UBTD2: variants seen among roughly 807,000 people sequenced by gnomAD.
The protein encoded by UBTD2 is ubiquitin domain-containing protein 2.
Under a neutral mutation model 19.8 loss-of-function variants are expected in UBTD2, and 9 were observed. The observed-to-expected ratio is 0.46, with a 90% CI of 0.27 to 0.79. The LOEUF (loss-of-function observed/expected upper bound fraction) is 0.79, where lower values mean the gene tolerates loss of function less well. Among genes scored for constraint, UBTD2 ranks in the 30% least tolerant of loss-of-function variants. The pLI is 0.14. For synonymous variants in UBTD2, 98 were observed against 103.9 expected (o/e 0.94, Z 0.35); for missense variants, 250 against 300.4 (o/e 0.83, Z 1.24).
chr5:172,274,135 C>CTTTT (rs555392614), intron 1 of UBTD2, among the ~76,000 whole-genome samples: 11 of 108,646 alleles, frequency 1.0e-4, no homozygotes, highest in Admixed American at 2.0e-4. Context: ...TTTTGCTTTA[C>CTTTT]TTTTTTTTTT....
At chr5:172,260,540 A>C (rs558418432) in intron 1 of UBTD2, among the ~76,000 whole-genome samples, 1 of 152,346 alleles carries the variant, frequency 6.6e-6, no homozygotes, top group South Asian at 2.1e-4. Context: ...CAGCAAATTT[A>C]GTATTAAAAT....
intron 1 of UBTD2, among the ~76,000 whole-genome samples, chr5:172,259,432 C>T (rs140747651): frequency 3.8e-4 from 58 of 152,056 alleles, no homozygotes; most frequent in African/African-American, 1.2e-3. Flanking sequence ...TGAGCCATCG[C>T]GCCCAGCCCT....
chr5:172,226,506 T>G (rs998720106), intron 2 of UBTD2, among the ~76,000 whole-genome samples: 7 of 152,198 alleles, frequency 4.6e-5, no homozygotes, highest in Non-Finnish European at 4.4e-5. Context: ...CACAATAATG[T>G]TGGCTGTCTT....
Position 172,209,669 on chromosome 5 carries a change from T to A in UBTD2, c.*2161A>T, listed in dbSNP as rs1581204379. 6.6e-6 allele frequency: 1 copy of A among 151,722 alleles called. No individual in the cohort carries two copies. Among genetic ancestry groups the A allele is most frequent in the Admixed American group, 6.6e-5 (1 of 15,188 alleles). The allele number at this position is 151,722 out of a possible 1,614,324, so 9.4% of individuals were successfully genotyped here. A position where few individuals can be genotyped will look rare whatever the true frequency, so the allele number is the denominator to read the frequency against. On this transcript the variant is annotated 3_prime_UTR_variant, in exon 3 of 3. Coordinates refer to ENST00000393792, the MANE Select transcript of UBTD2 (RefSeq NM_152277.3). ...GAAAAATTGAACCTTTTTTTTTTTT[T>A]TAAAAAAAGCACATAAACCCTACAT... is the stretch of plus-strand genomic sequence containing the variant.
chr5:172,221,548 A>C (rs563668613), intron 2 of UBTD2, among the ~76,000 whole-genome samples: 56 of 152,318 alleles, frequency 3.7e-4, no homozygotes, highest in African/African-American at 1.3e-3. Context: ...TCATGAAAAC[A>C]CATGGCGAAA....
At chr5:172,258,679 G>A (rs573820405) in intron 1 of UBTD2, among the ~76,000 whole-genome samples, 11 of 152,200 alleles carry the variant, frequency 7.2e-5, no homozygotes, top group Admixed American at 2.0e-4. Flanking sequence ...CACTTCCCGC[G>A]TTGGCTGTTT....
intron 2 of UBTD2, among the ~76,000 whole-genome samples, chr5:172,214,341 G>A (rs1375168476): frequency 6.6e-6 from 1 of 152,204 alleles, no homozygotes; most frequent in African/African-American, 2.4e-5. Flanking sequence ...AATCTGGTCT[G>A]CCTTCTAAGT....
In UBTD2 at chr5:172,229,227, G is replaced by A. The variant is rs546524362; in HGVS notation, c.307+4895C>T. Among the ~76,000 whole-genome samples the A allele has an allele frequency of 2.6e-4, 40 of 151,908 alleles. No homozygotes were observed. In the South Asian group the frequency reaches 3.1e-3, roughly 12 times the overall value. On this transcript the variant is annotated intron_variant, in intron 2 of 2. Coordinates refer to ENST00000393792, the MANE Select transcript of UBTD2 (RefSeq NM_152277.3). ...TTAAGAGGAGAGCTTTTGGCCGGGC[G>A]CGGTGGCTCACGCCTGTAATCCCAG...
chr5:172,244,576 A>G (rs1314330663), intron 1 of UBTD2, among the ~76,000 whole-genome samples: 1 of 151,728 alleles, frequency 6.6e-6, no homozygotes, highest in Non-Finnish European at 1.5e-5. Flanking sequence ...GGGATTACAG[A>G]TGTAAGCCAC....
At chr5:172,243,898 T>C (rs1772183408) in intron 1 of UBTD2, among the ~76,000 whole-genome samples, 1 of 151,842 alleles carries the variant, frequency 6.6e-6, no homozygotes, top group Non-Finnish European at 1.5e-5. Context: ...GACCACAGAG[T>C]TATATGGCTG....
chr5:172,254,109 T>C (rs1183194080), intron 1 of UBTD2, among the ~76,000 whole-genome samples: 2 of 152,062 alleles, frequency 1.3e-5, no homozygotes, highest in Non-Finnish European at 2.9e-5. Context: ...CCTTTTTTCT[T>C]TTTCTTTTGA....
At chr5:172,248,658 T>G (rs558799314) in intron 1 of UBTD2, among the ~76,000 whole-genome samples, 1 of 150,298 alleles carries the variant, frequency 6.7e-6, no homozygotes, top group South Asian at 2.1e-4. Flanking sequence ...GACACTCAGA[T>G]GGCAGAGGCA....
chr5:172,271,595 T>C (rs1755494909), intron 1 of UBTD2, among the ~76,000 whole-genome samples: 1 of 152,202 alleles, frequency 6.6e-6, no homozygotes, highest in Non-Finnish European at 1.5e-5. Context: ...CAGTAGGCCA[T>C]AAGGTACTTA....
rs1290269623 is a variant in UBTD2, at chr5:172,209,694, T to C, written c.*2136A>G. The C allele has an allele frequency of 1.3e-5, 2 of 151,100 alleles. No individual in the cohort carries two copies. 9.4% of individuals were successfully genotyped at this position (151,100 alleles called of 1,614,324 possible). On this transcript the variant is annotated 3_prime_UTR_variant, in exon 3 of 3. Transcript: ENST00000393792. The stretch of plus-strand genomic sequence containing the variant: ...TTAAAAAAAGCACATAAACCCTACA[T>C]ACTAAAATTATACACATCAAGTACT...
intron 1 of UBTD2, among the ~76,000 whole-genome samples, chr5:172,269,461 G>A (rs1033774802): frequency 2.7e-5 from 4 of 150,028 alleles, no homozygotes; most frequent in East Asian, 2.0e-4. Context: ...ACTGCACTCC[G>A]GTCTGGGCAA....
chr5:172,230,366 T>TA (rs11459698), intron 2 of UBTD2, among the ~76,000 whole-genome samples: 49,255 of 151,940 alleles, frequency 0.32, 8,056 homozygotes, highest in South Asian at 0.42. Flanking sequence ...GATCAAAATC[T>TA]TAATTCAGAA....
At chr5:172,269,014 G>A (rs1755429771) in intron 1 of UBTD2, among the ~76,000 whole-genome samples, 1 of 152,176 alleles carries the variant, frequency 6.6e-6, no homozygotes, top group Non-Finnish European at 1.5e-5. Flanking sequence ...TCACATTGAA[G>A]TGTCATGATG....
chr5:172,216,244 C>T (rs1398143576), intron 2 of UBTD2, among the ~76,000 whole-genome samples: 1 of 151,710 alleles, frequency 6.6e-6, no homozygotes, highest in Non-Finnish European at 1.5e-5. Context: ...ACAAAAAACC[C>T]CACCACAAAA....
chr5:172,217,642 T>G (rs1364374842), intron 2 of UBTD2, among the ~76,000 whole-genome samples: 1 of 151,974 alleles, frequency 6.6e-6, no homozygotes. Context: ...TACCCCACCA[T>G]GCCCAGGTAA....
Sources: allele counts gnomAD v4.1 joint callset (sites outside exome capture counted in the v4.1 genomes callset), GRCh38; gene constraint gnomAD v4.1.1; transcripts MANE v1.5; gene names NCBI Gene and HGNC (gene_info 2026-07-23, HGNC 2026-07-21).